TMTC2: variants seen among roughly 807,000 people sequenced by gnomAD.
TMTC2 encodes the protein protein O-mannosyl-transferase TMTC2.
In TMTC2, 43 loss-of-function variants were observed where a neutral mutation model predicts 82.4. That is an observed-to-expected ratio of 0.52 (90% confidence interval 0.41 to 0.67). TMTC2 has a LOEUF of 0.67. TMTC2 is among the 30% of genes least tolerant of loss of function. The pLI is 0.00. For missense variants in TMTC2, 919 were observed against 1,012.4 expected, an observed-to-expected ratio of 0.91 and a Z score of 1.25; for synonymous variants, 408 against 381.9, an observed-to-expected ratio of 1.07 and a Z score of -0.80.
At chr12:83,007,491 A>T (rs1013183296) in intron 8 of TMTC2, among the ~76,000 whole-genome samples, 6 of 152,122 alleles carry the variant, frequency 3.9e-5, no homozygotes, top group African/African-American at 1.4e-4. Context: ...TGGACACTTT[A>T]TACTAAGTAT....
chr12:83,111,332 A>G (rs1209963677), intron 11 of TMTC2, among the ~76,000 whole-genome samples: 1 of 152,232 alleles, frequency 6.6e-6, no homozygotes, highest in African/African-American at 2.4e-5. Context: ...CAAGCTTTGT[A>G]GCCATAAGAT....
At chr12:83,000,995 G>A (rs1278746633) in intron 8 of TMTC2, among the ~76,000 whole-genome samples, 3 of 152,078 alleles carry the variant, frequency 2.0e-5, no homozygotes, top group African/African-American at 7.2e-5. Flanking sequence ...TAGGACATAG[G>A]ACACCAACTT....
intron 1 of TMTC2, among the ~76,000 whole-genome samples, chr12:82,779,258 G>T (rs868412319): frequency 2.0e-5 from 3 of 152,040 alleles, no homozygotes; most frequent in Non-Finnish European, 4.4e-5. Flanking sequence ...AGTGGGAAAA[G>T]TTGGTGAGGG....
intron 2 of TMTC2, among the ~76,000 whole-genome samples, chr12:82,871,988 C>CA: frequency 6.8e-6 from 1 of 146,856 alleles, no homozygotes; most frequent in Middle Eastern, 3.5e-3. Context: ...CTCCATATTA[C>CA]AAAAAAGTTG....
intron 8 of TMTC2, among the ~76,000 whole-genome samples, chr12:83,008,931 A>G (rs1036080802): frequency 1.3e-5 from 2 of 152,138 alleles, no homozygotes; most frequent in Non-Finnish European, 2.9e-5. Context: ...TTTCACTTGT[A>G]GTCCACTATT....
chr12:82,696,072 C>G (rs1872774409), intron 1 of TMTC2, among the ~76,000 whole-genome samples: 1 of 152,206 alleles, frequency 6.6e-6, no homozygotes, highest in Non-Finnish European at 1.5e-5. Context: ...ATTAACTATA[C>G]AACTGTTCTC....
chr12:83,026,658 T>A (rs2137415013), intron 8 of TMTC2, among the ~76,000 whole-genome samples: 1 of 151,936 alleles, frequency 6.6e-6, no homozygotes, highest in Admixed American at 6.6e-5. Flanking sequence ...TATCTCATAT[T>A]TAATATTCCT....
At chr12:82,770,327 G>A (rs574450967) in intron 1 of TMTC2, among the ~76,000 whole-genome samples, 11 of 152,224 alleles carry the variant, frequency 7.2e-5, no homozygotes, top group South Asian at 4.2e-4. Flanking sequence ...GTTTATAAGA[G>A]TATATCAAAG....
At chr12:82,747,700 T>C (rs1361166313) in intron 1 of TMTC2, among the ~76,000 whole-genome samples, 2 of 152,238 alleles carry the variant, frequency 1.3e-5, no homozygotes, top group African/African-American at 4.8e-5. Context: ...GACCCACTGC[T>C]GAATTCTTCT....
At chr12:83,050,596 G>GT (rs1360766897) in intron 9 of TMTC2, among the ~76,000 whole-genome samples, 1 of 151,990 alleles carries the variant, frequency 6.6e-6, no homozygotes, top group Non-Finnish European at 1.5e-5. Flanking sequence ...GCTAATTAAT[G>GT]TAATAACAAT....
intron 4 of TMTC2, among the ~76,000 whole-genome samples, chr12:82,937,277 C>G (rs1163750286): frequency 6.6e-6 from 1 of 152,124 alleles, no homozygotes; most frequent in East Asian, 1.9e-4. Flanking sequence ...AGAATCCTTC[C>G]TTGCCTTTTT....
chr12:82,898,570 C>T (rs868588392), intron 3 of TMTC2, among the ~76,000 whole-genome samples: 14 of 152,246 alleles, frequency 9.2e-5, no homozygotes, highest in South Asian at 4.1e-4. Flanking sequence ...GATAAGATGG[C>T]GCCATGGGTT....
At chr12:82,917,808 T>A (rs1875097139) in intron 3 of TMTC2, among the ~76,000 whole-genome samples, 1 of 152,132 alleles carries the variant, frequency 6.6e-6, no homozygotes, top group Admixed American at 6.5e-5. Context: ...TTCACCGTGT[T>A]AGCCAGGATG....
chr12:83,078,440 C>T (rs1428322719), intron 11 of TMTC2, among the ~76,000 whole-genome samples: 1 of 152,092 alleles, frequency 6.6e-6, no homozygotes, highest in Non-Finnish European at 1.5e-5. Context: ...GCCATAACAT[C>T]ATGTTTGATA....
chr12:82,803,750 G>A (rs1423045967), intron 1 of TMTC2, among the ~76,000 whole-genome samples: 4 of 152,062 alleles, frequency 2.6e-5, no homozygotes, highest in Non-Finnish European at 4.4e-5. Flanking sequence ...AAGGATCACG[G>A]TAAAAGGGAC....
At chr12:82,971,261 C>T (rs944658689) in intron 7 of TMTC2, among the ~76,000 whole-genome samples, 1 of 151,884 alleles carries the variant, frequency 6.6e-6, no homozygotes, top group South Asian at 2.1e-4. Context: ...TCTGTGTTAC[C>T]TAAACTATCA....
chr12:82,841,191 A>G (rs1216625377), intron 1 of TMTC2, among the ~76,000 whole-genome samples: 1 of 152,238 alleles, frequency 6.6e-6, no homozygotes, highest in African/African-American at 2.4e-5. Context: ...ATATGTGTAT[A>G]TATCAAGTGC....
chr12:82,752,510 G>T (rs1876069382), intron 1 of TMTC2, among the ~76,000 whole-genome samples: 1 of 151,766 alleles, frequency 6.6e-6, no homozygotes, highest in Non-Finnish European at 1.5e-5. Context: ...ACAAAACAAA[G>T]AATCTTAGGG....
chr12:82,797,995 T>G lies in TMTC2; in HGVS notation c.84-59015T>G, dbSNP rs561394088. On this transcript the variant is annotated intron_variant, in intron 1 of 11. Coordinates refer to ENST00000321196, the MANE Select transcript of TMTC2 (RefSeq NM_152588.3). ...CTCTGTCACCCAGGGTGGAGTGCAG[T>G]GGCGCGATCTCGGCTCACTGCAAGC... 6.9e-5 allele frequency among the ~76,000 whole-genome samples: 10 copies of G among 145,954 alleles called. No homozygotes were observed. In the South Asian group the frequency reaches 2.2e-3, roughly 32 times the overall value.
Sources: gnomAD v4.1 joint callset for allele counts (sites outside exome capture counted in the v4.1 genomes callset) on GRCh38, gnomAD v4.1.1 for gene constraint, MANE v1.5 for transcripts, NCBI Gene and HGNC (gene_info 2026-07-23, HGNC 2026-07-21) for gene names.